Variants in PTPRT observed in about 807,000 individuals in gnomAD.
PTPRT encodes receptor-type tyrosine-protein phosphatase T.
A neutral mutation model predicts 176.8 loss-of-function variants in PTPRT; 56 were observed. The observed-to-expected ratio is 0.32, with a 90% CI of 0.26 to 0.40. PTPRT has a LOEUF of 0.40. PTPRT is among the 10% of genes least tolerant of loss of function. PTPRT has a pLI of 1.00. For synonymous variants in PTPRT, 783 were observed against 739.0 expected (o/e 1.06, Z -0.96); for missense variants, 1,540 against 1,908.2 (o/e 0.81, Z 3.60).
At chr20:42,939,134 C>A (rs1980389604) in intron 1 of PTPRT, among the ~76,000 whole-genome samples, 1 of 152,182 alleles carries the variant, frequency 6.6e-6, no homozygotes, top group Admixed American at 6.5e-5. Context: ...ATGGGTCAGA[C>A]CTCTTATTAA....
intron 5 of PTPRT, among the ~76,000 whole-genome samples, chr20:42,757,834 A>C (rs564115391): frequency 2.6e-5 from 4 of 152,250 alleles, no homozygotes; most frequent in African/African-American, 9.6e-5. Context: ...GGTTATGAGA[A>C]CTGGTAAGGC....
At chr20:43,014,125 G>A (rs976972374) in intron 1 of PTPRT, among the ~76,000 whole-genome samples, 2 of 152,122 alleles carry the variant, frequency 1.3e-5, no homozygotes, top group African/African-American at 4.8e-5. Flanking sequence ...TGAATCATGG[G>A]AAAAACACAT....
intron 1 of PTPRT, among the ~76,000 whole-genome samples, chr20:42,942,786 C>A (rs747153778): frequency 6.6e-6 from 1 of 152,114 alleles, no homozygotes; most frequent in Non-Finnish European, 1.5e-5. Context: ...TGGTACTAAC[C>A]ATCAAGTTGA....
At chr20:42,259,338 A>T (rs1273895033) in intron 13 of PTPRT, among the ~76,000 whole-genome samples, 1 of 152,166 alleles carries the variant, frequency 6.6e-6, no homozygotes, top group Non-Finnish European at 1.5e-5. Context: ...TTATCCATGG[A>T]AATAGAGGAA....
At chr20:42,566,638 G>A (rs1156706047) in intron 7 of PTPRT, among the ~76,000 whole-genome samples, 2 of 152,150 alleles carry the variant, frequency 1.3e-5, no homozygotes, top group Non-Finnish European at 2.9e-5. Flanking sequence ...AAACTTGGAA[G>A]CCATGCACTG....
chr20:42,434,659 T>TAAAA (rs1249338869), intron 9 of PTPRT, among the ~76,000 whole-genome samples: 3 of 37,470 alleles, frequency 8.0e-5, no homozygotes, highest in Admixed American at 3.4e-4. Context: ...CCCATCTTCA[T>TAAAA]AAGAAAAAAA....
intron 15 of PTPRT, among the ~76,000 whole-genome samples, chr20:42,218,179 T>A (rs2146774810): frequency 6.6e-6 from 1 of 152,270 alleles, no homozygotes; most frequent in Non-Finnish European, 1.5e-5. Context: ...TATGCAGCCA[T>A]TAAAATGATG....
At chr20:42,975,150 ATGT>A (rs1982874593) in intron 1 of PTPRT, among the ~76,000 whole-genome samples, 1 of 152,242 alleles carries the variant, frequency 6.6e-6, no homozygotes, top group Non-Finnish European at 1.5e-5. Context: ...TGTGAAAAAA[ATGT>A]TGTTTTCCAT....
At chr20:43,096,366 T>C (rs978958316) in intron 1 of PTPRT, among the ~76,000 whole-genome samples, 3 of 152,182 alleles carry the variant, frequency 2.0e-5, no homozygotes, top group African/African-American at 4.8e-5. Context: ...GCTCCTTTCT[T>C]AGGAGAGCCC....
At chr20:42,327,080 G>GGTGTGTGTGTGTGTGT (rs139401290) in intron 11 of PTPRT, among the ~76,000 whole-genome samples, 2 of 146,446 alleles carry the variant, frequency 1.4e-5, no homozygotes, top group East Asian at 4.0e-4. Context: ...ACTAGGTAGG[G>GGTGTGTGTGTGTGTGT]GTGTGTGTGT....
chr20:42,610,431 T>C (rs2073956860), intron 7 of PTPRT, among the ~76,000 whole-genome samples: 1 of 151,104 alleles, frequency 6.6e-6, no homozygotes, highest in African/African-American at 2.4e-5. Flanking sequence ...TGTTGACCAG[T>C]CTGGTCTCGA....
chr20:42,926,027 GC>G (rs1366516445), intron 1 of PTPRT, among the ~76,000 whole-genome samples: 1 of 152,216 alleles, frequency 6.6e-6, no homozygotes, highest in Non-Finnish European at 1.5e-5. Context: ...GCCAGGTAAA[GC>G]TTTTAGATGG....
chr20:42,924,652 C>A (rs766341648), intron 1 of PTPRT, among the ~76,000 whole-genome samples: 1 of 152,230 alleles, frequency 6.6e-6, no homozygotes, highest in African/African-American at 2.4e-5. Context: ...CAGAACATCA[C>A]AGCTGGCAAA....
At chr20:42,044,726 G>A in the PTPRT span, among the ~76,000 whole-genome samples, 2 of 152,194 alleles carry the variant, frequency 1.3e-5, no homozygotes, top group Admixed American at 6.5e-5. Context: ...AGAGGTATTC[G>A]CTTTCGTCTC....
chr20:42,628,764 C>T (rs550070293), intron 7 of PTPRT, among the ~76,000 whole-genome samples: 1 of 152,108 alleles, frequency 6.6e-6, no homozygotes, highest in Non-Finnish European at 1.5e-5. Context: ...TAAATTCAAC[C>T]TATTTTTGTA....
intron 6 of PTPRT, among the ~76,000 whole-genome samples, chr20:42,735,516 A>G (rs1439224283): frequency 6.6e-6 from 1 of 152,210 alleles, no homozygotes; most frequent in Non-Finnish European, 1.5e-5. Context: ...TTCTTTAAAA[A>G]AAAAAACTCA....
At chr20:42,775,740 C>T (rs1037339161) in intron 4 of PTPRT, among the ~76,000 whole-genome samples, 5 of 152,124 alleles carry the variant, frequency 3.3e-5, no homozygotes, top group Non-Finnish European at 5.9e-5. Flanking sequence ...CAGTCACTCG[C>T]TCCCTGGAAC....
chr20:42,444,453 C>G (rs928730760), intron 9 of PTPRT, among the ~76,000 whole-genome samples: 1 of 152,160 alleles, frequency 6.6e-6, no homozygotes, highest in African/African-American at 2.4e-5. Context: ...GGACTTAAAG[C>G]CACTCACATT....
intron 7 of PTPRT, among the ~76,000 whole-genome samples, chr20:42,473,286 T>A (rs2071231001): frequency 6.6e-6 from 1 of 152,184 alleles, no homozygotes; most frequent in African/African-American, 2.4e-5. Context: ...CTCCTATTGA[T>A]CTTGGTCCCA....
Sources: gnomAD v4.1 joint callset for allele counts (sites outside exome capture counted in the v4.1 genomes callset) on GRCh38, gnomAD v4.1.1 for gene constraint, MANE v1.5 for transcripts, NCBI Gene and HGNC (gene_info 2026-07-23, HGNC 2026-07-21) for gene names.